EPAS1: variants seen among roughly 807,000 people sequenced by gnomAD.
The protein encoded by EPAS1 is endothelial PAS domain protein 1.
A neutral mutation model predicts 87.9 loss-of-function variants in EPAS1; 23 were observed. The observed-to-expected ratio is 0.26, with a 90% CI of 0.19 to 0.37. EPAS1 has a LOEUF of 0.37. Ranked by LOEUF, EPAS1 falls within the 10% of genes least tolerant of loss-of-function variation. The pLI is 1.00. For synonymous variants in EPAS1, 508 were observed against 444.3 expected, an observed-to-expected ratio of 1.14 and a Z score of -1.80; for missense variants, 1,138 against 1,120.7, an observed-to-expected ratio of 1.02 and a Z score of -0.22.
chr2:46,298,666 A>T (rs959236463), intron 1 of EPAS1, among the ~76,000 whole-genome samples: 18 of 152,346 alleles, frequency 1.2e-4, no homozygotes, highest in African/African-American at 4.3e-4. Flanking sequence ...TCTGTCTCCG[A>T]AGAGGACAGA....
intron 2 of EPAS1, among the ~76,000 whole-genome samples, chr2:46,351,061 C>T (rs569828466): frequency 4.6e-5 from 7 of 152,298 alleles, no homozygotes; most frequent in African/African-American, 1.4e-4. Context: ...TTTCAGACTT[C>T]TTTTCCCAGG....
rs1684055012 is a variant in EPAS1, at chr2:46,347,454, C to A, written c.217+391C>A. On this transcript the variant is annotated intron_variant, in intron 2 of 15. Coordinates refer to ENST00000263734, the MANE Select transcript of EPAS1 (RefSeq NM_001430.5). The surrounding 1 kb of genome is among the most constrained non-coding windows in gnomAD (Gnocchi z 4.2). Reference sequence around the variant, plus strand: ...TAATCCTTAACTTCCAGTGCCTTCTCCAGAACAGCAAGAAGGTGTGCCCGG... The same window carrying A: ...TAATCCTTAACTTCCAGTGCCTTCTACAGAACAGCAAGAAGGTGTGCCCGG... 1 of 310,640 alleles carries A rather than the reference C, an allele frequency of 3.2e-6. No individual in the cohort carries two copies. Among genetic ancestry groups the A allele is most frequent in the Non-Finnish European group, 6.3e-6 (1 of 159,876 alleles). The allele number at this position is 310,640 out of a possible 1,614,324, so 19.2% of individuals were successfully genotyped here. A position where few individuals can be genotyped will look rare whatever the true frequency, so the allele number is the denominator to read the frequency against.
chr2:46,327,448 C>T (rs1394520363), intron 1 of EPAS1, among the ~76,000 whole-genome samples: 1 of 152,030 alleles, frequency 6.6e-6, no homozygotes, highest in East Asian at 1.9e-4. Flanking sequence ...TTGATAGTGA[C>T]CTATCTAATG....
At chr2:46,301,548 G>A (rs1682998073) in intron 1 of EPAS1, among the ~76,000 whole-genome samples, 1 of 140,700 alleles carries the variant, frequency 7.1e-6, no homozygotes. Context: ...CTGCACTCCA[G>A]CCTGGGCAAG....
Position 46,385,498 on chromosome 2 carries a change from T to G in EPAS1, c.*838T>G, listed in dbSNP as rs1017580253. 2 of 152,384 alleles carry G rather than the reference T, an allele frequency of 1.3e-5. No individual in the cohort carries two copies. The highest frequency in any genetic ancestry group is 6.8e-3 in the Middle Eastern group (2 of 294). 9.4% of individuals were successfully genotyped at this position (152,384 alleles called of 1,614,324 possible). A position where few individuals can be genotyped will look rare whatever the true frequency, so the allele number is the denominator to read the frequency against. ...AATCACTTTAAGATCTTTTCGAAGC[T>G]GTTAATTTTTCTTAGTGTTGTGGAC... On this transcript the variant is annotated 3_prime_UTR_variant, in exon 16 of 16. Transcript: ENST00000263734.
intron 2 of EPAS1, 23 bp from the exon 3 acceptor site, chr2:46,356,128 G>GGGGGGGGGGGGCCCCCCCCCCCCC: frequency 7.0e-7 from 1 of 1,432,148 alleles, no homozygotes; most frequent in Non-Finnish European, 9.5e-7. Flanking sequence ...CATGCAAGCT[G>GGGGGGGGGGGGCCCCCCCCCCCCC]TCCCACCCCC....
At chr2:46,338,504 T>C (rs1316350664) in intron 1 of EPAS1, among the ~76,000 whole-genome samples, 2 of 152,178 alleles carry the variant, frequency 1.3e-5, no homozygotes, top group Non-Finnish European at 2.9e-5. Context: ...TGCTTTTTCA[T>C]GAGTGAAGAC....
chr2:46,369,944 G>A lies in EPAS1; in HGVS notation c.886+11G>A. 6.3e-7 allele frequency: 1 copy of A among 1,599,790 alleles called. No individual in the cohort carries two copies. Among genetic ancestry groups the A allele is most frequent in the Non-Finnish European group, 8.5e-7 (1 of 1,170,092 alleles). ...AGAGTCACCAGAACTGTGAGTTCCA[G>A]GAGTGCCCCTTGTGGCTTCCTTGTG... On this transcript the variant is annotated intron_variant, in intron 7 of 15. Transcript: ENST00000263734.
intron 15 of EPAS1, 90 bp from the exon 16 acceptor site, chr2:46,384,419 T>C (rs1316451462): frequency 1.3e-6 from 2 of 1,569,440 alleles, no homozygotes; most frequent in Non-Finnish European, 1.8e-6. Flanking sequence ...TTAGGGCTGC[T>C]CTATTGGTAT....
intron 15 of EPAS1, among the ~76,000 whole-genome samples, chr2:46,383,745 G>T (rs2103680807): frequency 6.6e-6 from 1 of 152,204 alleles, no homozygotes; most frequent in East Asian, 1.9e-4. Flanking sequence ...ATGAATAAGA[G>T]AAGTTAGCAA....
rs1187726676 is a variant in EPAS1, at chr2:46,360,486, C to T, written c.455-152C>T. ...CATTAGTTCACAGGCCATGATGGAG[C>T]TCAGTGTTGATGGCAGACCACAGGT... On this transcript the variant is annotated intron_variant, in intron 4 of 15. Transcript: ENST00000263734. This position sits in a 1 kb window ranked among gnomAD's most constrained non-coding sequence, Gnocchi z 4.5. 1.4e-6 allele frequency: 1 copy of T among 734,652 alleles called. No homozygotes were observed. 45.5% of individuals were successfully genotyped at this position (734,652 alleles called of 1,614,324 possible).
rs751857000 is a variant in EPAS1 at position 46,380,421 on chromosome 2, C to A, written c.1749C>A (p.Phe583Leu). 2 of 1,614,204 alleles carry A rather than the reference C, an allele frequency of 1.2e-6. No homozygotes were observed. The highest frequency in any genetic ancestry group is 1.7e-6 in the Non-Finnish European group (2 of 1,180,042). Reference sequence around the variant, plus strand: ...CCCCTGTAGCCCCGCACAGTCCCTTCCTCCTGGACAAGTTTCAGCAGCAGC... The same window carrying A: ...CCCCTGTAGCCCCGCACAGTCCCTTACTCCTGGACAAGTTTCAGCAGCAGC... ...PLAPVAPHSP[F>L]LLDKFQQQLE... The change falls in exon 12 of 16, where the codon TTC (phenylalanine) becomes TTA (leucine). Residue 583 changes from phenylalanine to leucine, a missense_variant. By Grantham distance (22) the Phe-to-Leu change is conservative. Transcript: ENST00000263734. This position sits in a 1 kb window ranked among gnomAD's most constrained non-coding sequence, Gnocchi z 4.4.
chr2:46,332,469 A>C (rs891483021), intron 1 of EPAS1, among the ~76,000 whole-genome samples: 6 of 152,120 alleles, frequency 3.9e-5, no homozygotes, highest in Non-Finnish European at 8.8e-5. Flanking sequence ...TAGCCAGATA[A>C]GAGGGGCAGC....
Position 46,378,676 on chromosome 2 carries a change from A to G in EPAS1, c.1463A>G (p.Tyr488Cys), listed in dbSNP as rs914005139. Residue 488 changes from tyrosine (Y) to cysteine (C), a missense_variant, in exon 11 of 16, where the codon TAT (tyrosine) becomes TGT (cysteine). Tyr to Cys is a radical substitution (Grantham distance 194, BLOSUM62 -2). Transcript: ENST00000263734. ...SCSTPNSPED[Y>C]YTSLDNDLKI... is the part of the protein sequence containing the mutation. The stretch of plus-strand genomic sequence containing the variant: ...CCCTAGCCCAATAGCCCTGAAGACT[A>G]TTACACATCTTTGGATAACGACCTG... 6.2e-6 allele frequency: 10 copies of G among 1,614,122 alleles called. No individual in the cohort carries two copies. The highest frequency in any genetic ancestry group is 1.6e-4 in the Middle Eastern group (1 of 6,062).
At chr2:46,372,685 T>C (rs1429372010) in intron 7 of EPAS1, among the ~76,000 whole-genome samples, 2 of 152,266 alleles carry the variant, frequency 1.3e-5, no homozygotes, top group African/African-American at 4.8e-5. Flanking sequence ...CTGGCATTAA[T>C]GACCAGATGA....
In EPAS1 at chr2:46,378,102, T is replaced by C; in HGVS notation, c.1443+15T>C. Reference sequence around the variant, plus strand: ...GCTGCTCCACGGTGAGCAGCCCTCTTATGGCGAGGACACAGAGAGGGCTCC... The same window carrying C: ...GCTGCTCCACGGTGAGCAGCCCTCTCATGGCGAGGACACAGAGAGGGCTCC... On this transcript the variant is annotated intron_variant, in intron 10 of 15. Transcript: ENST00000263734. 1 of 1,587,786 alleles carries C rather than the reference T, an allele frequency of 6.3e-7. No individual in the cohort carries two copies. Among genetic ancestry groups the C allele is most frequent in the Non-Finnish European group, 8.6e-7 (1 of 1,168,404 alleles).
chr2:46,312,853 T>C (rs1197734050), intron 1 of EPAS1, among the ~76,000 whole-genome samples: 1 of 152,216 alleles, frequency 6.6e-6, no homozygotes, highest in Non-Finnish European at 1.5e-5. Context: ...ACATCTGGCC[T>C]GTTTTTCCCT....
intron 1 of EPAS1, among the ~76,000 whole-genome samples, chr2:46,340,088 A>G (rs4035887): frequency 0.6 from 91,179 of 152,034 alleles, 29,318 homozygotes; most frequent in East Asian, 0.92. Flanking sequence ...TCCTGTGTAC[A>G]CACAGCTTTT....
At chr2:46,365,630 C>T (rs1305211771) in intron 6 of EPAS1, among the ~76,000 whole-genome samples, 3 of 152,134 alleles carry the variant, frequency 2.0e-5, no homozygotes, top group African/African-American at 4.8e-5. Context: ...ATGGATTTCC[C>T]GTTAATTACA....
Sources: allele counts gnomAD v4.1 joint callset (sites outside exome capture counted in the v4.1 genomes callset), GRCh38; gene constraint gnomAD v4.1.1; non-coding constraint Gnocchi (gnomAD v3.1); transcripts MANE v1.5; gene names NCBI Gene and HGNC (gene_info 2026-07-23, HGNC 2026-07-21).